The following WWC2 variants were observed in gnomAD, a reference collection of about 807,000 sequenced individuals.
WWC2 encodes the protein WW and C2 domain containing 2, also known as protein WWC2.
Under a neutral mutation model 138.5 loss-of-function variants are expected in WWC2, and 101 were observed. The ratio of observed to expected loss-of-function variants is 0.73; its 90% CI spans 0.62 to 0.86. The LOEUF (loss-of-function observed/expected upper bound fraction) is 0.86, where lower values mean the gene tolerates loss of function less well. Ranked by LOEUF, WWC2 falls within the 40% of genes least tolerant of loss-of-function variation. The probability of loss-of-function intolerance (pLI) is 0.00; values close to 1 mark genes in which losing one functional copy is unlikely to be tolerated. For missense variants in WWC2, 1,420 were observed against 1,419.4 expected (o/e 1.00, Z -0.01); for synonymous variants, 558 against 538.4 (o/e 1.04, Z -0.50).
At position 183,317,352 on chromosome 4, in the gene WWC2, T is replaced by C. The variant is rs1301435451; in HGVS notation, c.*1623T>C. ...ACTTTTTCCTAAATGTCCCAACACTTACATACAAATTTCTTTGAAGACATA... is the reference window on the plus strand; with the variant it reads ...ACTTTTTCCTAAATGTCCCAACACTCACATACAAATTTCTTTGAAGACATA... On this transcript the variant is annotated 3_prime_UTR_variant, in exon 23 of 23. Transcript: ENST00000403733. The C allele has an allele frequency of 6.6e-6, 1 of 152,446 alleles. No homozygotes were observed. Among genetic ancestry groups the C allele is most frequent in the African/African-American group, 2.4e-5 (1 of 41,454 alleles). 9.4% of individuals were successfully genotyped at this position (152,446 alleles called of 1,614,324 possible).
chr4:183,115,546 T>C (rs1441365260), intron 1 of WWC2, among the ~76,000 whole-genome samples: 1 of 152,218 alleles, frequency 6.6e-6, no homozygotes, highest in Non-Finnish European at 1.5e-5. Flanking sequence ...TTGACTTTTA[T>C]CTAATAGCCA....
At chr4:183,275,083 T>A (rs1015321607) in intron 16 of WWC2, among the ~76,000 whole-genome samples, 13 of 152,150 alleles carry the variant, frequency 8.5e-5, no homozygotes, top group African/African-American at 2.9e-4. Flanking sequence ...CTCCTCACCC[T>A]CCCTACTCTC....
Position 183,253,794 on chromosome 4 carries a change from A to T in WWC2, c.991A>T (p.Ser331Cys). Residue 331 changes from serine to cysteine, a missense_variant, in exon 9 of 23, where the codon AGT (serine) becomes TGT (cysteine). Transcript: ENST00000403733. ...NLKIELSKLD[S>C]EAWPGALDIE... ...AAAAATTGAACTGTCAAAATTGGACAGTGAGGCCTGGCCTGGGGCACTGGA... is the reference window on the plus strand; with the variant it reads ...AAAAATTGAACTGTCAAAATTGGACTGTGAGGCCTGGCCTGGGGCACTGGA... 1.9e-6 allele frequency: 3 copies of T among 1,613,438 alleles called. No homozygotes were observed. Among genetic ancestry groups the T allele is most frequent in the Non-Finnish European group, 2.5e-6 (3 of 1,179,742 alleles).
chr4:183,130,611 G>A (rs768081511), intron 1 of WWC2, among the ~76,000 whole-genome samples: 5 of 152,184 alleles, frequency 3.3e-5, no homozygotes, highest in Non-Finnish European at 7.3e-5. Context: ...TTTTTAAAGA[G>A]GTTTAGAAAG....
At chr4:183,266,136 AT>A (rs1304862253) in intron 14 of WWC2, among the ~76,000 whole-genome samples, 185 bp downstream of exon 14, 5 of 152,204 alleles carry the variant, frequency 3.3e-5, no homozygotes, top group African/African-American at 1.2e-4. Context: ...TTGAGTTTTA[AT>A]TCTTACTCAA....
At chr4:183,111,599 G>A (rs2152887656) in intron 1 of WWC2, among the ~76,000 whole-genome samples, 2 of 152,046 alleles carry the variant, frequency 1.3e-5, no homozygotes, top group Non-Finnish European at 2.9e-5. Context: ...GTGTAATTTT[G>A]GGCTGGTTGG....
At chr4:183,131,349 C>T (rs1259309080) in intron 1 of WWC2, among the ~76,000 whole-genome samples, 1 of 151,538 alleles carries the variant, frequency 6.6e-6, no homozygotes, top group Non-Finnish European at 1.5e-5. Flanking sequence ...GACATGATAC[C>T]AAAGCATGAT....
At chr4:183,218,768 A>G (rs1437549885) in intron 4 of WWC2, among the ~76,000 whole-genome samples, 1 of 152,164 alleles carries the variant, frequency 6.6e-6, no homozygotes, top group Non-Finnish European at 1.5e-5. Context: ...AATTCCTACT[A>G]GGTTAGAGAG....
rs1263802888 is a variant in WWC2, at chr4:183,261,175, G to A, written c.1552G>A (p.Gly518Ser). ...NEVVKSPSQPGQSGLCGVAAA... is the reference protein window; with the variant it reads ...NEVVKSPSQPSQSGLCGVAAA... ...GGTGGTCAAGTCCCCTAGCCAGCCT[G>A]GCCAGAGTGGACTCTGTGGAGTGGC... Residue 518 changes from glycine to serine, a missense_variant, in exon 11 of 23, where the codon GGC becomes AGC. Coordinates refer to ENST00000403733, the MANE Select transcript of WWC2 (RefSeq NM_024949.6). 6.2e-7 allele frequency: 1 copy of A among 1,613,650 alleles called. No individual in the cohort carries two copies. The highest frequency in any genetic ancestry group is 8.5e-7 in the Non-Finnish European group (1 of 1,179,814).
intron 4 of WWC2, among the ~76,000 whole-genome samples, chr4:183,235,019 C>T (rs144446916): frequency 4.6e-5 from 7 of 152,250 alleles, no homozygotes; most frequent in African/African-American, 1.7e-4. Context: ...AACACCATAC[C>T]GATAAAACCA....
intron 1 of WWC2, among the ~76,000 whole-genome samples, chr4:183,132,451 C>T (rs1222180799): frequency 6.6e-6 from 1 of 150,880 alleles, no homozygotes; most frequent in Admixed American, 6.6e-5. Context: ...AAAAGATTTT[C>T]TGTTTCTTTT....
chr4:183,185,918 G>A (rs1734782019), intron 1 of WWC2, among the ~76,000 whole-genome samples: 1 of 149,808 alleles, frequency 6.7e-6, no homozygotes, highest in South Asian at 2.1e-4. Flanking sequence ...TATAATTGCT[G>A]TATGTAAAAT....
rs967663265 is a variant in WWC2 at position 183,303,047 on chromosome 4, C to T, written c.3385-9294C>T. On this transcript the variant is annotated intron_variant, in intron 21 of 22. Coordinates refer to ENST00000403733, the MANE Select transcript of WWC2 (RefSeq NM_024949.6). ...CTGCACTCCAGCCTGGGTGACAGAG[C>T]GAGACTCCATCTCAAAAAAAAAAAA... 4.9e-5 allele frequency among the ~76,000 whole-genome samples: 6 copies of T among 122,702 alleles called. No homozygotes were observed. In the Admixed American group the frequency reaches 5.1e-4, roughly 10 times the overall value. 80.5% of individuals were successfully genotyped at this position (122,702 alleles called of 152,430 possible).
At chr4:183,116,221 T>C (rs1732404375) in intron 1 of WWC2, among the ~76,000 whole-genome samples, 1 of 152,196 alleles carries the variant, frequency 6.6e-6, no homozygotes, top group South Asian at 2.1e-4. Context: ...CACCATTCAC[T>C]GGAACATATC....
At chr4:183,247,766 ATATATATAC>A (rs1301947295) in intron 6 of WWC2, among the ~76,000 whole-genome samples, 6 of 141,110 alleles carry the variant, frequency 4.3e-5, no homozygotes, top group Admixed American at 1.5e-4. Context: ...TATATATATA[ATATATATAC>A]TATATATATA....
chr4:183,296,889 G>A (rs28420363), intron 21 of WWC2, among the ~76,000 whole-genome samples: 51,786 of 133,186 alleles, frequency 0.39, 10,030 homozygotes, highest in Middle Eastern at 0.57. Context: ...AGCCGAGATC[G>A]CACCACTGCA....
chr4:183,138,595 T>G (rs1733194404), intron 1 of WWC2, among the ~76,000 whole-genome samples: 1 of 152,164 alleles, frequency 6.6e-6, no homozygotes, highest in South Asian at 2.1e-4. Flanking sequence ...CTGAACATAT[T>G]TATCGTATGG....
intron 1 of WWC2, among the ~76,000 whole-genome samples, chr4:183,132,809 G>A (rs1228946064): frequency 2.0e-5 from 3 of 151,970 alleles, no homozygotes; most frequent in Non-Finnish European, 4.4e-5. Context: ...AATAGTAGAA[G>A]TTATATTAAA....
Position 183,320,287 on chromosome 4 carries a change from C to T in WWC2, c.*4558C>T. On this transcript the variant is annotated 3_prime_UTR_variant, in exon 23 of 23. Transcript: ENST00000403733. ...GGTTGCTGTGAAAAGAAGTGTGACA[C>T]TTGTGTTATAACTTATGAAACTCAG... 1 of 1,373,754 alleles carries T rather than the reference C, an allele frequency of 7.3e-7. No homozygotes were observed. The highest frequency in any genetic ancestry group is 1.4e-5 in the South Asian group (1 of 73,778). The allele number at this position is 1,373,754 out of a possible 1,614,324, so 85.1% of individuals were successfully genotyped here.
Sources: allele counts gnomAD v4.1 joint callset (sites outside exome capture counted in the v4.1 genomes callset), GRCh38; gene constraint gnomAD v4.1.1; transcripts MANE v1.5; gene names NCBI Gene and HGNC (gene_info 2026-07-23, HGNC 2026-07-21).